Variants in TBCD observed in about 807,000 individuals in gnomAD.
TBCD encodes the protein tubulin folding cofactor D.
A neutral mutation model predicts 169.3 loss-of-function variants in TBCD; 105 were observed. The ratio of observed to expected loss-of-function variants is 0.62; its 90% confidence interval spans 0.53 to 0.73. The LOEUF (loss-of-function observed/expected upper bound fraction) is 0.73. Among genes scored for constraint, TBCD ranks in the 30% least tolerant of loss-of-function variants. The pLI, the probability that TBCD is intolerant of heterozygous loss-of-function variation, is 0.00. For missense variants in TBCD, 1,444 were observed against 1,600.1 expected, an observed-to-expected ratio of 0.90 and a Z score of 1.66; for synonymous variants, 700 against 643.9, an observed-to-expected ratio of 1.09 and a Z score of -1.32.
chr17:82,871,930 CGCTGGT>C (rs2057597848), intron 14 of TBCD, among the ~76,000 whole-genome samples: 1 of 145,000 alleles, frequency 6.9e-6, no homozygotes, highest in African/African-American at 2.9e-5. Flanking sequence ...GTGAGGCACA[CGCTGGT>C]AAGCAGCTCG....
At chr17:82,837,375 G>A (rs1279320925) in intron 13 of TBCD, among the ~76,000 whole-genome samples, 1 of 152,194 alleles carries the variant, frequency 6.6e-6, no homozygotes. Flanking sequence ...TCCCAAAAGA[G>A]TATGTTGTTG....
rs56697906 is a variant in TBCD at position 82,782,365 on chromosome 17, C to T, written c.771+644C>T. Among the ~76,000 whole-genome samples the T allele has an allele frequency of 0.087, 13,213 of 152,252 alleles. 1,508 individuals are homozygous for T. The highest frequency in any genetic ancestry group is 0.26 in the African/African-American group (10,825 of 41,500). ...GCCTTCTGGAGGGGGAGCCGGCAGC[C>T]GGCTGTGGCCTTTGGCGTGGTGGGT... On this transcript the variant is annotated intron_variant, in intron 7 of 38. Coordinates refer to ENST00000355528, the MANE Select transcript of TBCD (RefSeq NM_005993.5). The surrounding 1 kb of genome is among the most constrained non-coding windows in gnomAD (Gnocchi z 5.1).
intron 13 of TBCD, among the ~76,000 whole-genome samples, chr17:82,822,230 C>A (rs531860880): frequency 1.1e-4 from 17 of 152,346 alleles, no homozygotes; most frequent in African/African-American, 3.6e-4. Flanking sequence ...CACAGCGTTT[C>A]TGTGACGGTG....
At chr17:82,914,522 T>G (rs2060888925) in intron 23 of TBCD, among the ~76,000 whole-genome samples, 1 of 152,226 alleles carries the variant, frequency 6.6e-6, no homozygotes, top group African/African-American at 2.4e-5. Context: ...GTGCGGTGTT[T>G]GCACTCCCTC....
intron 7 of TBCD, among the ~76,000 whole-genome samples, chr17:82,791,896 A>G (rs1439065344): frequency 6.6e-6 from 1 of 152,022 alleles, no homozygotes; most frequent in Non-Finnish European, 1.5e-5. Context: ...CTCCCAGGCC[A>G]GGTGGTGTGG....
intron 7 of TBCD, among the ~76,000 whole-genome samples, chr17:82,784,371 C>T (rs547890159): frequency 3.3e-5 from 5 of 152,104 alleles, no homozygotes; most frequent in Non-Finnish European, 7.4e-5. Flanking sequence ...TCGTTCCGGC[C>T]GTGCTGGGGC....
intron 13 of TBCD, among the ~76,000 whole-genome samples, chr17:82,862,106 T>G (rs2056816389): frequency 6.6e-6 from 1 of 152,056 alleles, no homozygotes; most frequent in African/African-American, 2.4e-5. Context: ...GTATTTTTAG[T>G]AGAGACGGGG....
chr17:82,772,525 A>T lies in TBCD; in HGVS notation c.638+18A>T, dbSNP rs1356629900. 6.2e-7 allele frequency: 1 copy of T among 1,613,528 alleles called. No individual in the cohort carries two copies. The highest frequency in any genetic ancestry group is 8.5e-7 in the Non-Finnish European group (1 of 1,179,714). On this transcript the variant is annotated intron_variant, in intron 6 of 38. Transcript: ENST00000355528. Reference sequence around the variant, plus strand: ...GTGTCCAGGTAAGTTTCCATGGCACATTTCTTGGTGTGTGGCTGGTGGGTT... The same window carrying T: ...GTGTCCAGGTAAGTTTCCATGGCACTTTTCTTGGTGTGTGGCTGGTGGGTT...
chr17:82,916,223 T>C (rs999663021), intron 23 of TBCD, among the ~76,000 whole-genome samples: 32 of 152,178 alleles, frequency 2.1e-4, no homozygotes, highest in African/African-American at 7.5e-4. Context: ...CTCGTTTGTT[T>C]ATACCAAAAT....
At chr17:82,860,276 G>A in intron 13 of TBCD, 6 of 758,194 alleles carry the variant, frequency 7.9e-6, no homozygotes, top group Non-Finnish European at 8.0e-6. Context: ...CTGGCTTCAG[G>A]GAGGGCCCCC....
At chr17:82,941,735 G>A (rs2063298255) in intron 38 of TBCD, 1 of 518,654 alleles carries the variant, frequency 1.9e-6, no homozygotes, top group Admixed American at 3.7e-5. Flanking sequence ...GGTGGAGCTG[G>A]CACCAGCTTG....
At chr17:82,881,441 C>A (rs1287799100) in intron 14 of TBCD, among the ~76,000 whole-genome samples, 1 of 152,212 alleles carries the variant, frequency 6.6e-6, no homozygotes, top group Admixed American at 6.5e-5. Flanking sequence ...CTGGGCTGTG[C>A]TGATGCTGGA....
intron 37 of TBCD, among the ~76,000 whole-genome samples, chr17:82,940,221 G>GCACACACACACACACACACACACACACA (rs71168175): frequency 7.6e-6 from 1 of 131,700 alleles, no homozygotes; most frequent in Admixed American, 8.1e-5. Flanking sequence ...TTGCACGCGC[G>GCACACACACACACACACACACACACACA]CACACACACA....
intron 13 of TBCD, among the ~76,000 whole-genome samples, chr17:82,862,883 C>T (rs576503646): frequency 3.3e-5 from 5 of 152,288 alleles, no homozygotes; most frequent in South Asian, 2.1e-4. Context: ...TCCTCTCACG[C>T]GTCCGAGGTG....
At chr17:82,769,647 C>T (rs572049732) in intron 5 of TBCD, among the ~76,000 whole-genome samples, 19 of 152,086 alleles carry the variant, frequency 1.2e-4, no homozygotes, top group Non-Finnish European at 2.2e-4. Context: ...GAGGCCGGGG[C>T]GGGCAGATCA....
intron 12 of TBCD, among the ~76,000 whole-genome samples, chr17:82,813,617 A>G (rs1429445419): frequency 6.6e-6 from 1 of 152,172 alleles, no homozygotes; most frequent in African/African-American, 2.4e-5. Context: ...TTGTTTTGGT[A>G]TTTTTAAGTC....
At chr17:82,916,042 CCT>C (rs1343907281) in intron 23 of TBCD, among the ~76,000 whole-genome samples, 2 of 152,162 alleles carry the variant, frequency 1.3e-5, no homozygotes, top group Non-Finnish European at 2.9e-5. Context: ...GTACAGATAC[CCT>C]GTTCTCTTTC....
At chr17:82,800,805 T>C in intron 8 of TBCD, 59 bp from the exon 9 acceptor site, 5 of 1,559,000 alleles carry the variant, frequency 3.2e-6, no homozygotes, top group Non-Finnish European at 2.6e-6. Flanking sequence ...GGGACACAGG[T>C]GGTGCAGTCA....
intron 18 of TBCD, among the ~76,000 whole-genome samples, chr17:82,902,804 G>T (rs1353151418): frequency 6.6e-6 from 1 of 152,190 alleles, no homozygotes; most frequent in Non-Finnish European, 1.5e-5. Flanking sequence ...TGCTGCTCCA[G>T]CTGGGTCTGG....
Sources: allele counts gnomAD v4.1 joint callset (sites outside exome capture counted in the v4.1 genomes callset), GRCh38; gene constraint gnomAD v4.1.1; non-coding constraint Gnocchi (gnomAD v3.1); transcripts MANE v1.5; gene names NCBI Gene and HGNC (gene_info 2026-07-23, HGNC 2026-07-21).